Variants in DOCK9 observed in about 807,000 individuals in gnomAD.
DOCK9 encodes the protein dedicator of cytokinesis protein 9.
DOCK9 carries 89 observed loss-of-function variants against 263.3 expected under a neutral mutation model. That is an observed-to-expected ratio of 0.34 (90% CI 0.28 to 0.40). DOCK9 has a LOEUF of 0.40. DOCK9 is among the 10% of genes least tolerant of loss of function. The probability of loss-of-function intolerance (pLI) is 1.00; values close to 1 mark genes in which losing one functional copy is unlikely to be tolerated. For missense variants in DOCK9, 2,140 were observed against 2,603.4 expected (o/e 0.82, Z 3.87); for synonymous variants, 976 against 973.1 (o/e 1.00, Z -0.06).
At chr13:99,007,735 G>T (rs1883602135) in intron 1 of DOCK9, among the ~76,000 whole-genome samples, 1 of 152,180 alleles carries the variant, frequency 6.6e-6, no homozygotes, top group African/African-American at 2.4e-5. Flanking sequence ...TGATATGACT[G>T]TGTTACTTGC....
chr13:99,058,841 C>T (rs2041050906), intron 1 of DOCK9, among the ~76,000 whole-genome samples: 1 of 152,198 alleles, frequency 6.6e-6, no homozygotes, highest in Admixed American at 6.5e-5. Context: ...TCTGCAGCAC[C>T]CATGGCCCTT....
At chr13:98,941,048 C>T (rs970573211) in intron 2 of DOCK9, among the ~76,000 whole-genome samples, 5 of 152,184 alleles carry the variant, frequency 3.3e-5, no homozygotes, top group African/African-American at 1.2e-4. Context: ...CTCCAACAGT[C>T]CAGCAACATG....
chr13:98,824,025 A>T (rs1233990483), intron 45 of DOCK9, among the ~76,000 whole-genome samples: 1 of 152,216 alleles, frequency 6.6e-6, no homozygotes, highest in Non-Finnish European at 1.5e-5. Flanking sequence ...GGTGCTGGAG[A>T]CATTAATTTA....
chr13:98,853,479 T>C lies in DOCK9; in HGVS notation c.3875A>G (p.Asp1292Gly), dbSNP rs2093626141. 9 of 1,613,866 alleles carry C rather than the reference T, an allele frequency of 5.6e-6. No homozygotes were observed. Among genetic ancestry groups the C allele is most frequent in the Non-Finnish European group, 7.6e-6 (9 of 1,179,822 alleles). ...STLGNSVVRC[D>G]KLDQSEIKSL... ...CTTAATCTCAGACTGGTCAAGTTTA[T>C]CACAGCGAACCACGGAATTTCCCAA... is the stretch of plus-strand genomic sequence containing the variant. The change falls in exon 35 of 53, where the codon GAT (aspartate) becomes GGT (glycine). Residue 1292 changes from aspartate to glycine, a missense_variant. By Grantham distance (94) the Asp-to-Gly change is moderately conservative. Around this residue, in one of 2 missense-constraint regions of DOCK9, gnomAD observed 1,521 missense variants for 1,741.7 expected, o/e 0.87. Coordinates refer to ENST00000682017, the MANE Select transcript of DOCK9 (RefSeq NM_001366683.2).
At chr13:98,904,456 T>G (rs1274643361) in intron 10 of DOCK9, among the ~76,000 whole-genome samples, 176 bp downstream of exon 10, 1 of 152,268 alleles carries the variant, frequency 6.6e-6, no homozygotes, top group Non-Finnish European at 1.5e-5. Context: ...TTCACAATAG[T>G]AATGCTATGG....
chr13:98,986,299 C>G (rs1337946171), intron 1 of DOCK9, among the ~76,000 whole-genome samples: 1 of 152,182 alleles, frequency 6.6e-6, no homozygotes, highest in Non-Finnish European at 1.5e-5. Flanking sequence ...TGGAGATGGA[C>G]CAAGCTGGCA....
rs1286343497 is a variant in DOCK9, at chr13:99,071,306, C to CCTTTTTTTTTTTTTTTTTTTTTTTTT, written c.129+14916_129+14917insAAAAAAAAAAAAAAAAAAAAAAAAAG. On this transcript the variant is annotated intron_variant, in intron 1 of 32. Coordinates refer to the DOCK9 transcript ENST00000427887. ...TACAGGTGCTTGCCACCATGCCTGG[C>CCTTTTTTTTTTTTTTTTTTTTTTTTT]TTTTTTTTTTTTTTTTTTTTTTTTT... is the stretch of plus-strand genomic sequence containing the variant. 1.4e-4 allele frequency among the ~76,000 whole-genome samples: 7 copies of CCTTTTTTTTTTTTTTTTTTTTTTTTT among 49,330 alleles called. 2 individuals are homozygous for CCTTTTTTTTTTTTTTTTTTTTTTTTT. The highest frequency in any genetic ancestry group is 1.3e-3 in the East Asian group (2 of 1,488). The allele number at this position is 49,330 out of a possible 152,430, so 32.4% of individuals were successfully genotyped here. A position where few individuals can be genotyped will look rare whatever the true frequency, so the allele number is the denominator to read the frequency against.
intron 14 of DOCK9, among the ~76,000 whole-genome samples, chr13:98,897,860 AGAGTC>A (rs1198814065): frequency 6.6e-6 from 1 of 152,214 alleles, no homozygotes; most frequent in African/African-American, 2.4e-5. Context: ...CTTAACAAGT[AGAGTC>A]AAGAGATAAA....
intron 2 of DOCK9, among the ~76,000 whole-genome samples, chr13:98,934,141 G>A (rs1384230744): frequency 6.6e-6 from 1 of 152,106 alleles, no homozygotes; most frequent in Non-Finnish European, 1.5e-5. Context: ...CTGGGCTCAA[G>A]CAATCCTCCC....
At position 98,915,650 on chromosome 13, in the gene DOCK9, C is replaced by T. The variant is rs990921950; in HGVS notation, c.718-147G>A. 8.9e-6 allele frequency: 6 copies of T among 671,864 alleles called. No individual in the cohort carries two copies. The East Asian group carries it at 1.2e-4, about 14-fold the overall frequency. 41.6% of individuals were successfully genotyped at this position (671,864 alleles called of 1,614,324 possible). ...GCTTGCCCCCTCCTCATGAAAGCCCCCCCCCATGAAATCCCATTACCGTCC... is the reference window on the plus strand; with the variant it reads ...GCTTGCCCCCTCCTCATGAAAGCCCTCCCCCATGAAATCCCATTACCGTCC... On this transcript the variant is annotated intron_variant, in intron 7 of 52. Transcript: ENST00000682017.
chr13:99,006,336 C>A (rs1883330222), intron 1 of DOCK9, among the ~76,000 whole-genome samples: 1 of 152,232 alleles, frequency 6.6e-6, no homozygotes, highest in Non-Finnish European at 1.5e-5. Context: ...AAAATTCATT[C>A]TTCGCAAGTT....
intron 1 of DOCK9, among the ~76,000 whole-genome samples, chr13:98,971,088 G>A (rs1307311766): frequency 6.6e-6 from 1 of 152,188 alleles, no homozygotes; most frequent in Non-Finnish European, 1.5e-5. Flanking sequence ...TAACACTAGA[G>A]CTTGAGTCCC....
At chr13:98,794,845 A>T in intron 52 of DOCK9, 97 bp from the exon 53 acceptor site, 2 of 1,379,264 alleles carry the variant, frequency 1.5e-6, no homozygotes, top group Non-Finnish European at 2.0e-6. Flanking sequence ...AAGTGTAACA[A>T]AATGTTACAG....
At chr13:98,906,923 T>C (rs1382317598) in intron 9 of DOCK9, among the ~76,000 whole-genome samples, 1 of 152,188 alleles carries the variant, frequency 6.6e-6, no homozygotes, top group Non-Finnish European at 1.5e-5. Context: ...CTCAAGTCTG[T>C]TGCCACACCA....
chr13:98,901,533 T>C (rs539496932), intron 13 of DOCK9, among the ~76,000 whole-genome samples: 3 of 151,994 alleles, frequency 2.0e-5, no homozygotes, highest in African/African-American at 7.2e-5. Flanking sequence ...AAGCTGGTAA[T>C]TCCTTTGCAA....
At chr13:98,957,863 G>A (rs549978211) in intron 1 of DOCK9, among the ~76,000 whole-genome samples, 224 of 152,214 alleles carry the variant, frequency 1.5e-3, no homozygotes, top group Non-Finnish European at 2.7e-3. Context: ...TGTTCTCCCT[G>A]GCTTATGTGG....
chr13:98,909,984 T>C (rs1887855), intron 9 of DOCK9, among the ~76,000 whole-genome samples: 106,985 of 152,076 alleles, frequency 0.7, 37,919 homozygotes, highest in Middle Eastern at 0.81. Flanking sequence ...ATTCCGGATT[T>C]AGAAGAAATT....
At chr13:98,933,865 C>CTGTTGTTGTTGT (rs71724333) in intron 2 of DOCK9, among the ~76,000 whole-genome samples, 14 of 149,038 alleles carry the variant, frequency 9.4e-5, no homozygotes, top group East Asian at 4.0e-4. Flanking sequence ...AACCTAGCCT[C>CTGTTGTTGTTGT]TGTTGTTGTT....
At chr13:98,922,181 C>A in intron 5 of DOCK9, 35 bp from the exon 6 acceptor site, 3 of 1,491,420 alleles carry the variant, frequency 2.0e-6, no homozygotes, top group East Asian at 2.4e-5. Flanking sequence ...AGTCAACCTC[C>A]CGTTATTACC....
Sources: gnomAD v4.1 joint callset for allele counts (sites outside exome capture counted in the v4.1 genomes callset) on GRCh38, gnomAD v4.1.1 for gene constraint, gnomAD v4.1.1 regional missense constraint, MANE v1.5 for transcripts, NCBI Gene and HGNC (gene_info 2026-07-23, HGNC 2026-07-21) for gene names.